USP30: variants seen among roughly 807,000 people sequenced by gnomAD.
USP30 encodes the protein ubiquitin carboxyl-terminal hydrolase 30.
Under a neutral mutation model 68.2 loss-of-function variants are expected in USP30, and 41 were observed. The ratio of observed to expected loss-of-function variants is 0.60; its 90% CI spans 0.47 to 0.78. USP30 has a LOEUF of 0.78. USP30 is among the 30% of genes least tolerant of loss of function. USP30 has a pLI of 0.00. For synonymous variants in USP30, 229 were observed against 253.7 expected (o/e 0.90, Z 0.93); for missense variants, 522 against 649.4 (o/e 0.80, Z 2.13).
At chr12:109,036,117 A>G (rs1248388188) in intron 3 of USP30, among the ~76,000 whole-genome samples, 1 of 152,158 alleles carries the variant, frequency 6.6e-6, no homozygotes. Context: ...TCAGGGTTTC[A>G]CCATTGCACT....
chr12:109,055,679 G>A (rs776042430), intron 1 of USP30, among the ~76,000 whole-genome samples: 8 of 150,272 alleles, frequency 5.3e-5, no homozygotes, highest in Non-Finnish European at 1.0e-4. Flanking sequence ...TTACAGGCAT[G>A]AGCCATCACA....
intron 3 of USP30, among the ~76,000 whole-genome samples, chr12:109,028,508 C>T (rs759277113): frequency 6.6e-6 from 1 of 151,604 alleles, no homozygotes; most frequent in Non-Finnish European, 1.5e-5. Context: ...ATGTAGTTTC[C>T]CTCTTGTCGC....
At chr12:109,056,010 A>AAGAGCATTCTGAGCAGAGGGAACAGC (rs1375467931) in intron 1 of USP30, among the ~76,000 whole-genome samples, 1 of 152,036 alleles carries the variant, frequency 6.6e-6, no homozygotes, top group Non-Finnish European at 1.5e-5. Flanking sequence ...GATCTGGGGG[A>AAGAGCATTCTGAGCAGAGGGAACAGC]AGAGCATTCT....
intron 1 of USP30, 101 bp downstream of exon 1, chr12:109,052,862 C>T: frequency 1.7e-6 from 2 of 1,203,342 alleles, no homozygotes; most frequent in South Asian, 4.1e-5. Context: ...TCTCCAGGGC[C>T]CGCGCGGGCA....
At chr12:109,072,471 G>A in intron 6 of USP30, 121 bp downstream of exon 6, 1 of 885,548 alleles carries the variant, frequency 1.1e-6, no homozygotes, top group Non-Finnish European at 1.8e-6. Flanking sequence ...AGTGTGATGT[G>A]CTTGCAAAGG....
rs1057147111 is a variant in USP30, at chr12:109,052,742, C to A, written c.64C>A (p.Arg22=). 6 of 1,456,588 alleles carry A rather than the reference C, an allele frequency of 4.1e-6. No homozygotes were observed. The East Asian group carries it at 1.6e-4, about 40-fold the overall frequency. The allele number at this position is 1,456,588 out of a possible 1,614,324, so 90.2% of individuals were successfully genotyped here. ...CGACAGGGCCATCCAGCGCTTCCTG[C>A]GGACCGGGGCGGCCGTCAGGTGAGA... is the stretch of plus-strand genomic sequence containing the variant. The part of the protein sequence containing the change: ...AADRAIQRFL[R]TGAAVRYKVM... The change falls in exon 1 of 13, where the codon CGG becomes AGG. Residue 22 remains arginine, a synonymous_variant. Transcript: ENST00000257548.
rs1053785147 is a variant in USP30, at chr12:109,081,209, T to G, written c.721-125T>G. 76 of 826,666 alleles carry G rather than the reference T, an allele frequency of 9.2e-5. No individual in the cohort carries two copies. In the East Asian group the frequency reaches 1.9e-3, roughly 21 times the overall value. The allele number at this position is 826,666 out of a possible 1,614,324, so 51.2% of individuals were successfully genotyped here. On this transcript the variant is annotated intron_variant, in intron 7 of 12. Coordinates refer to ENST00000257548, the MANE Select transcript of USP30 (RefSeq NM_032663.5). ...TAATAGAATTTTATTCTAAGTACATTATATTTTACTGTGTTAATGTTGGGC... is the reference window on the plus strand; with the variant it reads ...TAATAGAATTTTATTCTAAGTACATGATATTTTACTGTGTTAATGTTGGGC...
At chr12:109,050,735 G>A (rs1031836363), upstream of USP30, among the ~76,000 whole-genome samples, 2 of 152,106 alleles carry the variant, frequency 1.3e-5, no homozygotes, top group African/African-American at 4.8e-5. Flanking sequence ...TGGGCCGGGC[G>A]CGGTGGCTCA....
chr12:109,050,036 C>T (rs972694191), upstream of USP30, among the ~76,000 whole-genome samples: 18 of 152,166 alleles, frequency 1.2e-4, no homozygotes, highest in African/African-American at 4.3e-4. Flanking sequence ...TGGCTCACAC[C>T]TGTAATCCCA....
At chr12:109,067,703 C>T (rs757103071) in intron 4 of USP30, 76 bp downstream of exon 4, 124 of 1,290,948 alleles carry the variant, frequency 9.6e-5, no homozygotes, top group African/African-American at 3.1e-4. Context: ...CTTAAAATTG[C>T]CTGGCCCCAG....
intron 4 of USP30, among the ~76,000 whole-genome samples, chr12:109,068,753 A>T (rs1181774281): frequency 6.6e-6 from 1 of 152,198 alleles, no homozygotes; most frequent in Non-Finnish European, 1.5e-5. Context: ...TATTTCCAAC[A>T]TCTTCAGCCC....
chr12:109,074,404 T>C (rs2041533248), intron 7 of USP30, among the ~76,000 whole-genome samples: 1 of 152,260 alleles, frequency 6.6e-6, no homozygotes, highest in Non-Finnish European at 1.5e-5. Context: ...GTAGAATTGC[T>C]AGCTTATATG....
At chr12:109,072,081 C>T (rs1406813675) in intron 5 of USP30, among the ~76,000 whole-genome samples, 2 of 152,096 alleles carry the variant, frequency 1.3e-5, no homozygotes, top group South Asian at 4.1e-4. Context: ...TGAAAATATT[C>T]TGGAGAGAAG....
At chr12:109,058,937 G>A (rs1458116791) in intron 3 of USP30, among the ~76,000 whole-genome samples, 1 of 152,170 alleles carries the variant, frequency 6.6e-6, no homozygotes, top group Non-Finnish European at 1.5e-5. Context: ...GTAACTTAGT[G>A]CCACTTTTCT....
chr12:109,028,333 C>A (rs1207448368), intron 3 of USP30, among the ~76,000 whole-genome samples: 1 of 152,176 alleles, frequency 6.6e-6, no homozygotes. Context: ...GACTCACAGT[C>A]TGCAGGCTGT....
intron 7 of USP30, among the ~76,000 whole-genome samples, chr12:109,078,506 G>A (rs377655105): frequency 2.6e-5 from 4 of 151,858 alleles, no homozygotes; most frequent in South Asian, 2.1e-4. Flanking sequence ...GGCTGAGGCA[G>A]GAGAATTGCT....
intron 5 of USP30, 94 bp from the exon 6 acceptor site, chr12:109,072,211 A>C: frequency 9.1e-7 from 1 of 1,093,492 alleles, no homozygotes; most frequent in Admixed American, 2.1e-5. Context: ...GGTGTAATCA[A>C]CGTAGAAACT....
intron 11 of USP30, among the ~76,000 whole-genome samples, chr12:109,083,619 A>C (rs1393221399): frequency 1.3e-5 from 2 of 152,096 alleles, no homozygotes; most frequent in Non-Finnish European, 2.9e-5. Flanking sequence ...AAGGGCAAAC[A>C]CCACACAGGA....
intron 3 of USP30, among the ~76,000 whole-genome samples, chr12:109,059,727 T>A (rs1359154318): frequency 6.6e-6 from 1 of 151,756 alleles, no homozygotes; most frequent in Non-Finnish European, 1.5e-5. Flanking sequence ...TAGCCAGACA[T>A]GTCTCGAACT....
Sources: gnomAD v4.1 joint callset for allele counts (sites outside exome capture counted in the v4.1 genomes callset) on GRCh38, gnomAD v4.1.1 for gene constraint, MANE v1.5 for transcripts, NCBI Gene and HGNC (gene_info 2026-07-23, HGNC 2026-07-21) for gene names.